CHSY3: variants seen among roughly 807,000 people sequenced by gnomAD.
CHSY3 encodes N-acetylgalactosaminyl-proteoglycan 3-beta-glucuronosyltransferase 3.
A neutral mutation model predicts 67.2 loss-of-function variants in CHSY3; 35 were observed. The observed-to-expected ratio is 0.52, with a 90% CI of 0.40 to 0.69. The LOEUF (loss-of-function observed/expected upper bound fraction) is 0.69. Among genes scored for constraint, CHSY3 ranks in the 30% least tolerant of loss-of-function variants. The pLI is 0.00. For missense variants in CHSY3, 1,069 were observed against 1,138.5 expected (o/e 0.94, Z 0.88); for synonymous variants, 474 against 434.7 (o/e 1.09, Z -1.12).
chr5:130,018,273 ATCTTAGTGAAATATAGTAAGTCT>A (rs1295778807), intron 2 of CHSY3, among the ~76,000 whole-genome samples: 2 of 152,158 alleles, frequency 1.3e-5, no homozygotes, highest in African/African-American at 4.8e-5. Context: ...TTCTTTCACT[ATCTTAGTGAAATATAGTAAGTCT>A]TTATTTGTCA....
chr5:129,918,394 G>C (rs1760802129), intron 2 of CHSY3, among the ~76,000 whole-genome samples: 2 of 152,192 alleles, frequency 1.3e-5, no homozygotes, highest in Admixed American at 1.3e-4. Context: ...GAAGGTATCA[G>C]AACTACATGT....
rs531560114 is a variant in CHSY3 at position 129,985,709 on chromosome 5, G to A, written c.1086+77349G>A. Among the ~76,000 whole-genome samples, 3 of 152,232 alleles carry A rather than the reference G, an allele frequency of 2.0e-5. No individual in the cohort carries two copies. The East Asian group carries it at 5.8e-4, about 29-fold the overall frequency. On this transcript the variant is annotated intron_variant, in intron 2 of 2. Transcript: ENST00000305031. ...GTCATCTCTGACTTCTTTGAGCAGT[G>A]TTTTGTAATTAGTATTGAACTGATC...
intron 2 of CHSY3, among the ~76,000 whole-genome samples, chr5:130,164,684 C>A (rs1373639236): frequency 6.6e-6 from 1 of 152,080 alleles, no homozygotes; most frequent in East Asian, 1.9e-4. Context: ...GCACCATTTA[C>A]AGGATGTCAG....
At chr5:129,936,147 AAAT>A (rs1049838678) in intron 2 of CHSY3, among the ~76,000 whole-genome samples, 1 of 152,222 alleles carries the variant, frequency 6.6e-6, no homozygotes, top group Non-Finnish European at 1.5e-5. Context: ...GGATAAAAAG[AAAT>A]AACACTTCTA....
At chr5:130,149,553 T>A (rs529659575) in intron 2 of CHSY3, among the ~76,000 whole-genome samples, 20 of 152,254 alleles carry the variant, frequency 1.3e-4, no homozygotes, top group Non-Finnish European at 1.3e-4. Context: ...GCCCCCATGA[T>A]CCAAACACCT....
intron 2 of CHSY3, among the ~76,000 whole-genome samples, chr5:130,024,297 C>G (rs935201238): frequency 6.6e-6 from 1 of 151,954 alleles, no homozygotes; most frequent in Non-Finnish European, 1.5e-5. Context: ...TTGATATAAT[C>G]TAATTTAAAT....
intron 2 of CHSY3, among the ~76,000 whole-genome samples, chr5:130,123,141 A>T (rs1170693240): frequency 1.3e-5 from 2 of 152,222 alleles, no homozygotes; most frequent in Non-Finnish European, 2.9e-5. Context: ...TATTTATAAA[A>T]TAAGAGATTA....
chr5:129,949,908 A>G (rs1256555718), intron 2 of CHSY3, among the ~76,000 whole-genome samples: 1 of 152,148 alleles, frequency 6.6e-6, no homozygotes, highest in Non-Finnish European at 1.5e-5. Context: ...TCATGCCTGT[A>G]ATCCCAGCAC....
chr5:129,904,629 A>G lies in CHSY3; in HGVS notation c.-201A>G. The G allele has an allele frequency of 1.2e-6, 1 of 839,446 alleles. No homozygotes were observed. The highest frequency in any genetic ancestry group is 1.6e-6 in the Non-Finnish European group (1 of 640,940). The allele number at this position is 839,446 out of a possible 1,614,324, so 52.0% of individuals were successfully genotyped here. ...TGCTCGGAGCCCCGGCCCAGAGCTG[A>G]GCGGGAGCCCGGCAGGCAGCTGCAG... On this transcript the variant is annotated 5_prime_UTR_variant, in exon 1 of 3. Transcript: ENST00000305031.
chr5:130,057,329 A>G (rs1765567535), intron 2 of CHSY3, among the ~76,000 whole-genome samples: 1 of 152,076 alleles, frequency 6.6e-6, no homozygotes, highest in African/African-American at 2.4e-5. Flanking sequence ...TTGTAAACAT[A>G]TTTTGTGATT....
chr5:130,102,451 T>C (rs960866971), intron 2 of CHSY3, among the ~76,000 whole-genome samples: 1 of 152,048 alleles, frequency 6.6e-6, no homozygotes, highest in African/African-American at 2.4e-5. Context: ...TAGTTAACTG[T>C]TGAGAAAGAT....
intron 1 of CHSY3, chr5:129,905,908 T>TACACCTA: frequency 1.6e-6 from 1 of 627,238 alleles, no homozygotes; most frequent in East Asian, 3.1e-5. Context: ...TCCCTTAGTC[T>TACACCTA]TTACCTCGTC....
intron 2 of CHSY3, among the ~76,000 whole-genome samples, chr5:130,101,855 AT>A (rs1390087346): frequency 6.6e-6 from 1 of 152,138 alleles, no homozygotes; most frequent in Non-Finnish European, 1.5e-5. Context: ...TTACACCACA[AT>A]TTTGTATCAT....
chr5:130,184,396 C>T lies in CHSY3; in HGVS notation c.1254C>T (p.Arg418=). The change falls in exon 3 of 3, where the codon CGC becomes CGT. Residue 418 remains arginine, a synonymous_variant. Transcript: ENST00000305031. ...TCAGCCGCAAAATTTCTGAACTTCG[C>T]TACCGCACCATCCAGCTCCACAGGG... ...YMLSRKISEL[R]YRTIQLHRES... is the part of the protein sequence containing the mutation. The T allele has an allele frequency of 6.2e-7, 1 of 1,613,804 alleles. No individual in the cohort carries two copies. The highest frequency in any genetic ancestry group is 8.5e-7 in the Non-Finnish European group (1 of 1,179,714).
chr5:130,143,730 G>GAA (rs1768949415), intron 2 of CHSY3, among the ~76,000 whole-genome samples: 1 of 104,546 alleles, frequency 9.6e-6, no homozygotes, highest in Non-Finnish European at 1.9e-5. Flanking sequence ...ATGTGTGTGT[G>GAA]TGTGTATATA....
chr5:130,019,653 C>G (rs1020374211), intron 2 of CHSY3, among the ~76,000 whole-genome samples: 1 of 152,188 alleles, frequency 6.6e-6, no homozygotes, highest in African/African-American at 2.4e-5. Flanking sequence ...TTATCTTTCC[C>G]TGGTAGAATG....
chr5:130,101,019 T>A (rs899296505), intron 2 of CHSY3, among the ~76,000 whole-genome samples: 1 of 152,196 alleles, frequency 6.6e-6, no homozygotes, highest in African/African-American at 2.4e-5. Flanking sequence ...TCTCTTTGCA[T>A]CTAAATGTAT....
intron 2 of CHSY3, among the ~76,000 whole-genome samples, chr5:130,073,317 T>G (rs572226151): frequency 6.6e-6 from 1 of 152,102 alleles, no homozygotes; most frequent in East Asian, 1.9e-4. Flanking sequence ...AGACAGAGTT[T>G]CACTCTGTCA....
chr5:130,167,209 G>A (rs1769773171), intron 2 of CHSY3, among the ~76,000 whole-genome samples: 1 of 151,990 alleles, frequency 6.6e-6, no homozygotes, highest in Admixed American at 6.6e-5. Flanking sequence ...TAAGTGCTGG[G>A]GTGAGCCAGT....
Sources: gnomAD v4.1 joint callset for allele counts (sites outside exome capture counted in the v4.1 genomes callset) on GRCh38, gnomAD v4.1.1 for gene constraint, MANE v1.5 for transcripts, NCBI Gene and HGNC (gene_info 2026-07-23, HGNC 2026-07-21) for gene names.